The following ADAMTSL1 variants were observed in gnomAD, a reference collection of about 807,000 sequenced individuals.
The protein encoded by ADAMTSL1 is ADAMTS like 1, also known as ADAMTS-like protein 1.
Under a neutral mutation model 201.8 loss-of-function variants are expected in ADAMTSL1, and 126 were observed. That is an observed-to-expected ratio of 0.62 (90% confidence interval 0.54 to 0.72). The LOEUF (loss-of-function observed/expected upper bound fraction) is 0.72, where lower values mean the gene tolerates loss of function less well. Among genes scored for constraint, ADAMTSL1 ranks in the 30% least tolerant of loss-of-function variants. ADAMTSL1 has a pLI of 0.00. For synonymous variants in ADAMTSL1, 1,121 were observed against 903.4 expected (o/e 1.24, Z -4.32); for missense variants, 2,679 against 2,277.8 (o/e 1.18, Z -3.59).
rs957164384 is a variant in ADAMTSL1 at position 18,745,125 on chromosome 9, T to A, written c.2007-8173T>A. On this transcript the variant is annotated intron_variant, in intron 15 of 28. Transcript: ENST00000380548. The stretch of plus-strand genomic sequence containing the variant: ...AAGAAGTATTTTATGGGGGACAATA[T>A]GAGCTAAGTAGATATCCTGTTCATC... Among the ~76,000 whole-genome samples the A allele has an allele frequency of 3.9e-5, 6 of 152,156 alleles. 1 individual carries two copies. The highest frequency in any genetic ancestry group is 1.4e-4 in the African/African-American group (6 of 41,436).
intron 3 of ADAMTSL1, among the ~76,000 whole-genome samples, chr9:18,543,548 G>A (rs1481119244): frequency 6.6e-6 from 1 of 152,076 alleles, no homozygotes. Flanking sequence ...GACAACTGGA[G>A]GTTGACTTTG....
At chr9:18,137,122 G>C (rs926974793) in intron 1 of ADAMTSL1, among the ~76,000 whole-genome samples, 1 of 152,116 alleles carries the variant, frequency 6.6e-6, no homozygotes, top group Non-Finnish European at 1.5e-5. Flanking sequence ...GGATGAAATC[G>C]GAATTTCTGG....
intron 3 of ADAMTSL1, among the ~76,000 whole-genome samples, chr9:18,545,066 T>C (rs1820392728): frequency 6.6e-6 from 1 of 152,168 alleles, no homozygotes; most frequent in South Asian, 2.1e-4. Context: ...AGATAAAGAC[T>C]GATTACATAC....
At chr9:17,927,727 T>C (rs1826609978) in intron 1 of ADAMTSL1, among the ~76,000 whole-genome samples, 1 of 152,142 alleles carries the variant, frequency 6.6e-6, no homozygotes, top group Non-Finnish European at 1.5e-5. Context: ...ATTTAAAGTA[T>C]TTCAGAGGAT....
intron 2 of ADAMTSL1, among the ~76,000 whole-genome samples, chr9:18,531,655 A>T (rs548241608): frequency 6.6e-6 from 1 of 152,350 alleles, no homozygotes; most frequent in Non-Finnish European, 1.5e-5. Flanking sequence ...TCAAGACCTA[A>T]TACAAATGCT....
intron 23 of ADAMTSL1, among the ~76,000 whole-genome samples, chr9:18,887,385 G>C (rs1828963669): frequency 6.6e-6 from 1 of 151,996 alleles, no homozygotes; most frequent in African/African-American, 2.4e-5. Context: ...GTAAAATGAG[G>C]GAATATGATA....
intron 1 of ADAMTSL1, among the ~76,000 whole-genome samples, chr9:18,160,513 G>C (rs1221259405): frequency 2.0e-5 from 3 of 151,940 alleles, no homozygotes; most frequent in African/African-American, 4.8e-5. Flanking sequence ...GATGCAAAGG[G>C]ATGCCAACTT....
intron 2 of ADAMTSL1, among the ~76,000 whole-genome samples, chr9:18,433,573 TAC>T (rs1819591803): frequency 6.6e-6 from 1 of 152,136 alleles, no homozygotes; most frequent in African/African-American, 2.4e-5. Flanking sequence ...GATGGTGATA[TAC>T]CTGAGCTCAA....
At chr9:18,197,895 G>C (rs1453462459) in intron 2 of ADAMTSL1, among the ~76,000 whole-genome samples, 2 of 151,886 alleles carry the variant, frequency 1.3e-5, no homozygotes, top group East Asian at 1.9e-4. Context: ...GCATGGTACT[G>C]GTACCAAAAC....
At chr9:18,507,613 A>G (rs571724753) in intron 2 of ADAMTSL1, among the ~76,000 whole-genome samples, 15 of 152,160 alleles carry the variant, frequency 9.9e-5, no homozygotes, top group Non-Finnish European at 1.5e-4. Context: ...ACAACACAAC[A>G]TGCTATTATT....
At chr9:18,852,845 G>T (rs1235026012) in intron 23 of ADAMTSL1, among the ~76,000 whole-genome samples, 1 of 152,152 alleles carries the variant, frequency 6.6e-6, no homozygotes, top group East Asian at 1.9e-4. Flanking sequence ...AAACTGTAAA[G>T]TACGCTATAA....
intron 2 of ADAMTSL1, among the ~76,000 whole-genome samples, chr9:18,437,410 C>T (rs1474541551): frequency 6.6e-6 from 1 of 152,032 alleles, no homozygotes; most frequent in Non-Finnish European, 1.5e-5. Flanking sequence ...CAATGAGACC[C>T]CTTCTTCTAG....
rs56112949 is a variant in ADAMTSL1 at position 18,894,345 on chromosome 9, C to CTTTTTTTTTT, written c.4851+1756_4851+1765dup. Among the ~76,000 whole-genome samples, 20 of 124,008 alleles carry CTTTTTTTTTT rather than the reference C, an allele frequency of 1.6e-4. 1 individual carries two copies. Among genetic ancestry groups the CTTTTTTTTTT allele is most frequent in the African/African-American group, 2.9e-4 (9 of 31,368 alleles). The allele number at this position is 124,008 out of a possible 152,430, so 81.4% of individuals were successfully genotyped here. On this transcript the variant is annotated intron_variant, in intron 26 of 28. Coordinates refer to ENST00000380548, the MANE Select transcript of ADAMTSL1 (RefSeq NM_001040272.6). The stretch of plus-strand genomic sequence containing the variant: ...CCTGGGTGACAGAGCAAAACCTTGT[C>CTTTTTTTTTT]TTTTTTTTTTTTTTTTGAAAAAGGT...
At chr9:18,896,147 T>C (rs1165856984) in intron 26 of ADAMTSL1, among the ~76,000 whole-genome samples, 1 of 151,736 alleles carries the variant, frequency 6.6e-6, no homozygotes, top group Non-Finnish European at 1.5e-5. Context: ...AAGAAAGGAG[T>C]TGAAAGATTA....
chr9:18,132,548 A>G (rs1281075523), intron 1 of ADAMTSL1, among the ~76,000 whole-genome samples: 3 of 152,176 alleles, frequency 2.0e-5, no homozygotes, highest in African/African-American at 7.2e-5. Flanking sequence ...TAAAGCAACC[A>G]CAACCTAGAT....
At position 18,807,081 on chromosome 9, in the gene ADAMTSL1, G is replaced by T. The variant is rs142211686; in HGVS notation, c.3806-10028G>T. 8.5e-5 allele frequency among the ~76,000 whole-genome samples: 13 copies of T among 152,264 alleles called. No individual in the cohort carries two copies. In the East Asian group the frequency reaches 2.5e-3, roughly 29 times the overall value. On this transcript the variant is annotated intron_variant, in intron 20 of 28. Transcript: ENST00000380548. ...ATTCTTGTAATGCTTCTGTTTCTGT[G>T]TCTGACTATCTTGGAGGGGCTTCAC...
At chr9:18,902,285 C>T (rs573595155) in intron 26 of ADAMTSL1, among the ~76,000 whole-genome samples, 1 of 152,288 alleles carries the variant, frequency 6.6e-6, no homozygotes, top group African/African-American at 2.4e-5. Flanking sequence ...GAGGACTCCA[C>T]CCAATAACAG....
At chr9:18,228,459 T>A (rs1320767668) in intron 2 of ADAMTSL1, among the ~76,000 whole-genome samples, 1 of 152,160 alleles carries the variant, frequency 6.6e-6, no homozygotes, top group Non-Finnish European at 1.5e-5. Context: ...TTTGCTTTGT[T>A]GCCTAGGTTT....
In ADAMTSL1 at chr9:18,881,998, C is replaced by G. The variant is rs78700805; in HGVS notation, c.4250-5833C>G. ...GGCTACTCACTATGGCCTCTGATTC[C>G]AAGGAGGAGGGAGGAATTTGGATGT... On this transcript the variant is annotated intron_variant, in intron 23 of 28. Transcript: ENST00000380548. Among the ~76,000 whole-genome samples, 791 of 152,274 alleles carry G rather than the reference C, an allele frequency of 5.2e-3. 4 individuals carry two copies. Among genetic ancestry groups the G allele is most frequent in the African/African-American group, 0.018 (731 of 41,534 alleles).
Sources: allele counts gnomAD v4.1 joint callset (sites outside exome capture counted in the v4.1 genomes callset), GRCh38; gene constraint gnomAD v4.1.1; transcripts MANE v1.5; gene names NCBI Gene and HGNC (gene_info 2026-07-23, HGNC 2026-07-21).